KIF11: variants seen among roughly 807,000 people sequenced by gnomAD.
The protein encoded by KIF11 is kinesin family member 11.
Under a neutral mutation model 121.0 loss-of-function variants are expected in KIF11, and 9 were observed. That is an observed-to-expected ratio of 0.07 (90% CI 0.04 to 0.13). The LOEUF is 0.13. Ranked by LOEUF, KIF11 falls within the 10% of genes least tolerant of loss-of-function variation. The pLI is 1.00. For missense variants in KIF11, 846 were observed against 1,217.5 expected, an observed-to-expected ratio of 0.69 and a Z score of 4.54; for synonymous variants, 408 against 421.0, an observed-to-expected ratio of 0.97 and a Z score of 0.38.
intron 1 of KIF11, among the ~76,000 whole-genome samples, chr10:92,605,687 T>C (rs1844422940): frequency 1.3e-5 from 2 of 152,090 alleles, no homozygotes; most frequent in Non-Finnish European, 2.9e-5. Context: ...AGTTTCTGCA[T>C]GTTGGTCAGG....
chr10:92,649,661 GA>G (rs1218688802), intron 19 of KIF11, among the ~76,000 whole-genome samples, 173 bp from the exon 20 acceptor site: 3 of 152,168 alleles, frequency 2.0e-5, no homozygotes, highest in Admixed American at 2.0e-4. Flanking sequence ...CATCAAATTA[GA>G]AAGTATTGTT....
intron 17 of KIF11, 40 bp from the exon 18 acceptor site, chr10:92,645,323 T>C: frequency 6.8e-7 from 1 of 1,470,722 alleles, no homozygotes; most frequent in Non-Finnish European, 9.3e-7. Flanking sequence ...CTTTGAGTCT[T>C]AATTCCCCAT....
intron 8 of KIF11, among the ~76,000 whole-genome samples, chr10:92,615,063 T>G (rs999292813): frequency 3.3e-5 from 5 of 152,026 alleles, no homozygotes; most frequent in Admixed American, 2.6e-4. Context: ...CCCAAAATGC[T>G]GCGATTATAG....
chr10:92,627,048 C>T (rs898460712), intron 10 of KIF11, among the ~76,000 whole-genome samples: 9 of 152,168 alleles, frequency 5.9e-5, no homozygotes, highest in African/African-American at 2.2e-4. Flanking sequence ...AGGCGTGAGC[C>T]ACCGCGCCTG....
intron 8 of KIF11, among the ~76,000 whole-genome samples, chr10:92,614,031 C>A (rs200414216): frequency 1.6e-5 from 1 of 63,228 alleles, no homozygotes; most frequent in South Asian, 7.8e-4. Context: ...TACACACACA[C>A]ACACACACAC....
intron 1 of KIF11, among the ~76,000 whole-genome samples, chr10:92,603,759 A>G (rs1844401049): frequency 6.6e-6 from 1 of 152,174 alleles, no homozygotes; most frequent in South Asian, 2.1e-4. Flanking sequence ...AAGTGCTGAG[A>G]TTACAGGCGT....
chr10:92,634,969 A>G (rs1179152289), intron 14 of KIF11, among the ~76,000 whole-genome samples: 1 of 152,186 alleles, frequency 6.6e-6, no homozygotes, highest in Non-Finnish European at 1.5e-5. Flanking sequence ...ATAACTATAA[A>G]TCTTTTCTCC....
chr10:92,618,078 T>G (rs1844578204), intron 9 of KIF11, among the ~76,000 whole-genome samples: 1 of 152,226 alleles, frequency 6.6e-6, no homozygotes, highest in African/African-American at 2.4e-5. Context: ...TGACTAATGA[T>G]GTTGAACATC....
At chr10:92,631,627 C>T (rs1357321290) in intron 12 of KIF11, among the ~76,000 whole-genome samples, 1 of 151,614 alleles carries the variant, frequency 6.6e-6, no homozygotes, top group Admixed American at 6.6e-5. Flanking sequence ...TCCCAAAGTG[C>T]TGGGATTACA....
chr10:92,624,318 C>T (rs10882093), intron 10 of KIF11, among the ~76,000 whole-genome samples: 13,524 of 146,000 alleles, frequency 0.093, 719 homozygotes, highest in South Asian at 0.17. Flanking sequence ...GCAACCTCTG[C>T]CTCCCAGGTT....
intron 1 of KIF11, among the ~76,000 whole-genome samples, chr10:92,603,432 C>CA: frequency 6.6e-6 from 1 of 150,850 alleles, no homozygotes; most frequent in Admixed American, 6.6e-5. Context: ...GATGGAGTCT[C>CA]ACTCTTTCAC....
intron 10 of KIF11, among the ~76,000 whole-genome samples, chr10:92,623,689 A>G (rs959211067): frequency 2.6e-5 from 4 of 152,212 alleles, no homozygotes; most frequent in South Asian, 4.1e-4. Context: ...ACAGTTTACC[A>G]TCACTAATGG....
At chr10:92,639,981 A>G (rs1332301879) in intron 17 of KIF11, 81 bp downstream of exon 17, 3 of 710,326 alleles carry the variant, frequency 4.2e-6, no homozygotes, top group Non-Finnish European at 7.1e-6. Flanking sequence ...TAGTACAAAT[A>G]ATTCCTCTGT....
At chr10:92,646,055 G>A (rs1844915620) in intron 18 of KIF11, among the ~76,000 whole-genome samples, 1 of 149,692 alleles carries the variant, frequency 6.7e-6, no homozygotes, top group African/African-American at 2.5e-5. Flanking sequence ...AAGTTCAAGC[G>A]ATTCTCCTGC....
intron 14 of KIF11, among the ~76,000 whole-genome samples, chr10:92,636,247 A>G (rs1844794070): frequency 6.6e-6 from 1 of 152,292 alleles, no homozygotes; most frequent in South Asian, 2.1e-4. Context: ...AGGTTTTTAA[A>G]AATTTATTTT....
chr10:92,644,180 A>C (rs1844896601), intron 17 of KIF11, among the ~76,000 whole-genome samples: 1 of 152,162 alleles, frequency 6.6e-6, no homozygotes, highest in Non-Finnish European at 1.5e-5. Flanking sequence ...AGTATGGTCT[A>C]GGGACTTTGT....
intron 16 of KIF11, among the ~76,000 whole-genome samples, chr10:92,639,145 T>C (rs1223941992): frequency 2.0e-5 from 3 of 152,316 alleles, no homozygotes; most frequent in Middle Eastern, 3.4e-3. Context: ...CTTCTAGCAG[T>C]GTTATCAGTT....
chr10:92,650,548 T>C, intron 21 of KIF11, 31 bp downstream of exon 21: 1 of 1,144,552 alleles, frequency 8.7e-7, no homozygotes, highest in Non-Finnish European at 1.3e-6. Flanking sequence ...CTTCCACATC[T>C]GATGTAAGTC....
At chr10:92,625,579 C>T (rs1844667026) in intron 10 of KIF11, among the ~76,000 whole-genome samples, 1 of 151,990 alleles carries the variant, frequency 6.6e-6, no homozygotes, top group Non-Finnish European at 1.5e-5. Flanking sequence ...GAATTCCTGA[C>T]CTCAAGTGAT....
Sources: gnomAD v4.1 joint callset for allele counts (sites outside exome capture counted in the v4.1 genomes callset) on GRCh38, gnomAD v4.1.1 for gene constraint, MANE v1.5 for transcripts, NCBI Gene and HGNC (gene_info 2026-07-23, HGNC 2026-07-21) for gene names.